PLCH1: variants seen among roughly 807,000 people sequenced by gnomAD.
The protein encoded by PLCH1 is phospholipase C eta 1, also known as 1-phosphatidylinositol 4,5-bisphosphate phosphodiesterase eta-1.
Under a neutral mutation model 126.7 loss-of-function variants are expected in PLCH1, and 60 were observed. The ratio of observed to expected loss-of-function variants is 0.47; its 90% CI spans 0.38 to 0.59. PLCH1 has a LOEUF of 0.59. Ranked by LOEUF, PLCH1 falls within the 20% of genes least tolerant of loss-of-function variation. The pLI is 0.00. For missense variants in PLCH1, 1,723 were observed against 2,040.0 expected (o/e 0.84, Z 2.99); for synonymous variants, 719 against 734.9 (o/e 0.98, Z 0.35).
intron 6 of PLCH1, among the ~76,000 whole-genome samples, chr3:155,571,548 A>G (rs1348474497): frequency 6.6e-6 from 1 of 152,096 alleles, no homozygotes; most frequent in Admixed American, 6.5e-5. Flanking sequence ...TTACTGGCAC[A>G]CGCCACCATG....
In PLCH1 at chr3:155,568,318, T is replaced by C. The variant is rs1312987048; in HGVS notation, c.778A>G (p.Asn260Asp). The C allele has an allele frequency of 6.9e-7, 1 of 1,452,550 alleles. No homozygotes were observed. Among genetic ancestry groups the C allele is most frequent in the Non-Finnish European group, 9.6e-7 (1 of 1,039,088 alleles). 90.0% of individuals were successfully genotyped at this position (1,452,550 alleles called of 1,614,324 possible). Reference sequence around the variant, plus strand: ...TCAAGACAATAGTCCGTTGTCACATTATTCATCTAAGAAAAACAGAATACT... The same window carrying C: ...TCAAGACAATAGTCCGTTGTCACATCATTCATCTAAGAAAAACAGAATACT... ...QFLKVEQKMN[N>D]VTTDYCLDII... Residue 260 changes from asparagine to aspartate, a missense_variant, in exon 7 of 23, where the codon AAT becomes GAT. This residue lies in a region of PLCH1 where 776 missense variants were observed against 1,062.9 expected (regional missense o/e 0.73). Transcript: ENST00000460012.
At chr3:155,668,928 G>C (rs1300498998) in intron 2 of PLCH1, among the ~76,000 whole-genome samples, 1 of 152,160 alleles carries the variant, frequency 6.6e-6, no homozygotes, top group South Asian at 2.1e-4. Context: ...CTAAAGAGTA[G>C]AATGGGATGG....
chr3:155,537,224 A>AAAAC (rs1723546631), intron 10 of PLCH1, among the ~76,000 whole-genome samples: 5 of 10,188 alleles, frequency 4.9e-4, no homozygotes, highest in African/African-American at 7.6e-4. Flanking sequence ...AAAAAAAAAA[A>AAAAC]AAAAAAAAAC....
intron 13 of PLCH1, among the ~76,000 whole-genome samples, chr3:155,502,011 A>G (rs1717973797): frequency 6.9e-6 from 1 of 144,108 alleles, no homozygotes; most frequent in Admixed American, 6.8e-5. Context: ...GCTTCTCCTA[A>G]ACCCCCCCAA....
intron 2 of PLCH1, among the ~76,000 whole-genome samples, chr3:155,631,190 C>T (rs1737979644): frequency 6.6e-6 from 1 of 152,038 alleles, no homozygotes. Flanking sequence ...TTCACAGGAC[C>T]ACGGCAGTAG....
chr3:155,545,185 A>C (rs1216818169), intron 10 of PLCH1, among the ~76,000 whole-genome samples: 1 of 150,024 alleles, frequency 6.7e-6, no homozygotes, highest in Non-Finnish European at 1.5e-5. Flanking sequence ...AATAGACGCA[A>C]TAAAAAATGA....
Position 155,594,396 on chromosome 3 carries a change from C to A in PLCH1, c.227-212G>T, listed in dbSNP as rs1732652582. ...GACCAGCCTGGGCAACATGGTGAAA[C>A]CCCGTCTCTGCTAAAATAAAAAAAA... On this transcript the variant is annotated intron_variant, in intron 3 of 22. Coordinates refer to ENST00000460012, the MANE Select transcript of PLCH1 (RefSeq NM_014996.4). Among the ~76,000 whole-genome samples the A allele has an allele frequency of 2.6e-5, 4 of 151,786 alleles. No individual in the cohort carries two copies. In the South Asian group the frequency reaches 8.4e-4, roughly 32 times the overall value.
chr3:155,588,754 A>C (rs1351427427), intron 4 of PLCH1, among the ~76,000 whole-genome samples: 2 of 152,162 alleles, frequency 1.3e-5, no homozygotes, highest in Non-Finnish European at 2.9e-5. Context: ...GAATCAAACC[A>C]AGAAATGTAC....
At chr3:155,503,001 T>C (rs2108154636) in intron 13 of PLCH1, among the ~76,000 whole-genome samples, 1 of 152,370 alleles carries the variant, frequency 6.6e-6, no homozygotes, top group East Asian at 1.9e-4. Flanking sequence ...CTCCATCTAA[T>C]AATTGAATTC....
At chr3:155,468,751 G>C (rs1713026716) in intron 21 of PLCH1, among the ~76,000 whole-genome samples, 1 of 151,944 alleles carries the variant, frequency 6.6e-6, no homozygotes, top group African/African-American at 2.4e-5. Context: ...ACTTAACAAA[G>C]GAGCACCCAG....
At chr3:155,556,396 G>T (rs1726827391) in intron 8 of PLCH1, among the ~76,000 whole-genome samples, 1 of 152,148 alleles carries the variant, frequency 6.6e-6, no homozygotes, top group Non-Finnish European at 1.5e-5. Context: ...CCACACAGTT[G>T]TGAACCACAT....
intron 1 of PLCH1, among the ~76,000 whole-genome samples, chr3:155,720,898 A>G (rs1427721957): frequency 6.6e-6 from 1 of 152,202 alleles, no homozygotes; most frequent in Non-Finnish European, 1.5e-5. Context: ...TGATTTTTAT[A>G]TAAGGTGAAA....
At chr3:155,530,426 C>T (rs1722518691) in intron 10 of PLCH1, among the ~76,000 whole-genome samples, 1 of 151,808 alleles carries the variant, frequency 6.6e-6, no homozygotes, top group African/African-American at 2.4e-5. Flanking sequence ...ACACCATTCT[C>T]CTGCCTCAGC....
chr3:155,629,865 G>A (rs1488374301), intron 2 of PLCH1, among the ~76,000 whole-genome samples: 2 of 152,096 alleles, frequency 1.3e-5, no homozygotes, highest in South Asian at 2.1e-4. Flanking sequence ...CGCTGTACTC[G>A]CTGTTTCTTT....
Position 155,482,619 on chromosome 3 carries a change from T to G in PLCH1, c.3407A>C (p.Lys1136Thr), listed in dbSNP as rs569660728. 3 of 1,614,190 alleles carry G rather than the reference T, an allele frequency of 1.9e-6. No homozygotes were observed. Among genetic ancestry groups the G allele is most frequent in the South Asian group, 1.1e-5 (1 of 91,084 alleles). Residue 1136 changes from lysine to threonine, a missense_variant, in exon 23 of 23, where the codon AAG (lysine) becomes ACG (threonine). Lys to Thr is a moderately conservative substitution (Grantham distance 78). Coordinates refer to ENST00000460012, the MANE Select transcript of PLCH1 (RefSeq NM_014996.4). ...EIKNLEGNRG[K>T]GRAATSFSLS... The stretch of plus-strand genomic sequence containing the variant: ...AGAAAAGGATGTTGCAGCTCGGCCC[T>G]TACCCCTATTACCTTCCAGGTTCTT...
Position 155,480,989 on chromosome 3 carries a change from A to C in PLCH1, c.5037T>G (p.Ile1679Met), listed in dbSNP as rs748780472. 7 of 1,586,976 alleles carry C rather than the reference A, an allele frequency of 4.4e-6. No individual in the cohort carries two copies. The highest frequency in any genetic ancestry group is 3.4e-6 in the Non-Finnish European group (4 of 1,161,932). The change falls in exon 23 of 23, where the codon ATT (isoleucine) becomes ATG (methionine). Residue 1679 changes from isoleucine (I) to methionine (M), a missense_variant. This residue lies in a region of PLCH1 where 947 missense variants were observed against 977.1 expected (regional missense o/e 0.97). Transcript: ENST00000460012. ...TEPSSDDKPE[I>M]YFLLRL ...TAATTCACAGTCTCAAAAGAAAATAAATTTCTGGTTTATCATCACTGCTTG... is the reference window on the plus strand; with the variant it reads ...TAATTCACAGTCTCAAAAGAAAATACATTTCTGGTTTATCATCACTGCTTG...
intron 22 of PLCH1, among the ~76,000 whole-genome samples, chr3:155,484,205 C>G (rs1007348390): frequency 3.9e-5 from 6 of 152,144 alleles, no homozygotes; most frequent in Non-Finnish European, 5.9e-5. Context: ...AACATTACCT[C>G]AAAATTGCTT....
chr3:155,607,463 T>G (rs192599898), intron 2 of PLCH1, among the ~76,000 whole-genome samples: 40 of 152,236 alleles, frequency 2.6e-4, no homozygotes. Context: ...TTTTTTTTTC[T>G]TTTGAGACAG....
intron 2 of PLCH1, among the ~76,000 whole-genome samples, chr3:155,618,224 T>G (rs943296934): frequency 8.6e-5 from 13 of 151,344 alleles, no homozygotes; most frequent in Non-Finnish European, 1.5e-4. Context: ...GTTTTTGAGG[T>G]TTTTTTTAAT....
Sources: gnomAD v4.1 joint callset for allele counts (sites outside exome capture counted in the v4.1 genomes callset) on GRCh38, gnomAD v4.1.1 for gene constraint, gnomAD v4.1.1 regional missense constraint, MANE v1.5 for transcripts, NCBI Gene and HGNC (gene_info 2026-07-23, HGNC 2026-07-21) for gene names.